YY1: variants seen among roughly 807,000 people sequenced by gnomAD.
YY1 encodes the protein YY1 transcription factor.
A neutral mutation model predicts 35.6 loss-of-function variants in YY1; 2 were observed. The observed-to-expected ratio is 0.06, with a 90% CI of 0.02 to 0.18. The LOEUF is 0.18. YY1 is among the 10% of genes least tolerant of loss of function. The pLI, the probability that YY1 is intolerant of heterozygous loss-of-function variation, is 1.00. For synonymous variants in YY1, 268 were observed against 238.9 expected (o/e 1.12, Z -1.12); for missense variants, 322 against 573.4 (o/e 0.56, Z 4.48).
At chr14:100,254,998 T>TA (rs1429086394) in intron 1 of YY1, among the ~76,000 whole-genome samples, 1 of 129,410 alleles carries the variant, frequency 7.7e-6, no homozygotes, top group Non-Finnish European at 1.6e-5. Context: ...GGGATTTCAC[T>TA]ATGTTGGCCA....
intron 2 of YY1, among the ~76,000 whole-genome samples, chr14:100,271,538 G>A (rs952873706): frequency 6.6e-6 from 1 of 152,186 alleles, no homozygotes; most frequent in Non-Finnish European, 1.5e-5. Context: ...CTTAGGAACA[G>A]TAGCACTTTG....
At chr14:100,267,977 G>T (rs1891179227) in intron 2 of YY1, among the ~76,000 whole-genome samples, 2 of 152,212 alleles carry the variant, frequency 1.3e-5, no homozygotes, top group Non-Finnish European at 2.9e-5. Flanking sequence ...TTTTCTGGAG[G>T]CTCAGGAATT....
At position 100,276,813 on chromosome 14, in the gene YY1, C is replaced by T. The variant is rs548000811; in HGVS notation, c.1062+165C>T. The T allele has an allele frequency of 9.3e-5, 90 of 965,880 alleles. No homozygotes were observed. In the Admixed American group the frequency reaches 1.2e-3, roughly 13 times the overall value. 59.8% of individuals were successfully genotyped at this position (965,880 alleles called of 1,614,324 possible). On this transcript the variant is annotated intron_variant, in intron 4 of 4. Coordinates refer to ENST00000262238, the MANE Select transcript of YY1 (RefSeq NM_003403.5). The surrounding 1 kb of genome is among the most constrained non-coding windows in gnomAD (Gnocchi z 4.1). ...CTGGGGAGTCGCTTAGAAGGGTTGC[C>T]GGGGCTCTGGACATCCTTGTCTATA...
intron 3 of YY1, 132 bp downstream of exon 3, chr14:100,274,890 A>G: frequency 1.1e-6 from 1 of 934,954 alleles, no homozygotes; most frequent in East Asian, 2.6e-5. Context: ...CGGTTTCTAA[A>G]TCCAAGAGAT....
chr14:100,239,691 G>A lies in YY1; in HGVS notation c.447G>A (p.Thr149=), dbSNP rs762373321. ...GCGACGACGACTACATTGAACAAACGCTGGTCACCGTGGCGGCGGCCGGCA... is the reference window on the plus strand; with the variant it reads ...GCGACGACGACTACATTGAACAAACACTGGTCACCGTGGCGGCGGCCGGCA... The part of the protein sequence containing the change: ...AGGDDDYIEQ[T]LVTVAAAGKS... Residue 149 remains threonine (T), a synonymous_variant, in exon 1 of 5, where the codon ACG becomes ACA. Coordinates refer to ENST00000262238, the MANE Select transcript of YY1 (RefSeq NM_003403.5). 1.9e-6 allele frequency: 3 copies of A among 1,606,070 alleles called. No homozygotes were observed. Among genetic ancestry groups the A allele is most frequent in the Admixed American group, 3.3e-5 (2 of 59,894 alleles).
At chr14:100,251,332 G>A (rs1417715847) in intron 1 of YY1, among the ~76,000 whole-genome samples, 1 of 152,214 alleles carries the variant, frequency 6.6e-6, no homozygotes, top group Non-Finnish European at 1.5e-5. Context: ...AATGTAGGCA[G>A]CCTTCAGAAG....
Position 100,239,813 on chromosome 14 carries a change from C to T in YY1, c.569C>T (p.Ala190Val). The T allele has an allele frequency of 6.7e-7, 1 of 1,493,306 alleles. No homozygotes were observed. The highest frequency in any genetic ancestry group is 1.5e-5 in the African/African-American group (1 of 67,864). 92.5% of individuals were successfully genotyped at this position (1,493,306 alleles called of 1,614,324 possible). ...SGKKSYLSGG[A>V]GAAGGGGADP... ...AAGAAGAGTTACCTCAGCGGCGGGG[C>T]CGGCGCGGCGGGCGGCGGCGGCGCC... The change falls in exon 1 of 5, where the codon GCC becomes GTC. Residue 190 changes from alanine (A) to valine (V), a missense_variant. Physicochemically the swap from Ala to Val is moderately conservative, Grantham distance 64. Around this residue, in one of 4 missense-constraint regions of YY1, gnomAD observed 152 missense variants for 167.1 expected, o/e 0.91. Transcript: ENST00000262238.
chr14:100,240,524 C>T (rs1890720214), intron 1 of YY1, among the ~76,000 whole-genome samples: 3 of 3,942 alleles, frequency 7.6e-4, no homozygotes, highest in African/African-American at 2.2e-3. Flanking sequence ...GGGCTTGGCA[C>T]TCGTGGGCGC....
At chr14:100,248,679 C>CT (rs11415073) in intron 1 of YY1, among the ~76,000 whole-genome samples, 2,355 of 105,014 alleles carry the variant, frequency 0.022, 55 homozygotes, top group African/African-American at 0.05. Flanking sequence ...GAGTAAAATT[C>CT]TTTTTTTTTT....
intron 1 of YY1, among the ~76,000 whole-genome samples, chr14:100,246,362 C>G (rs962064412): frequency 1.1e-4 from 16 of 152,196 alleles, no homozygotes; most frequent in Non-Finnish European, 7.4e-5. Flanking sequence ...AAAGTGCTGG[C>G]AGCTGAGTGG....
intron 1 of YY1, among the ~76,000 whole-genome samples, chr14:100,254,265 T>C (rs1360345069): frequency 6.6e-6 from 1 of 152,208 alleles, no homozygotes; most frequent in Non-Finnish European, 1.5e-5. Flanking sequence ...TGATTTTCTT[T>C]TTGCAAAAAT....
At chr14:100,249,283 G>T (rs1448497937) in intron 1 of YY1, among the ~76,000 whole-genome samples, 1 of 151,492 alleles carries the variant, frequency 6.6e-6, no homozygotes, top group Non-Finnish European at 1.5e-5. Flanking sequence ...ACTACACCCA[G>T]CTAATTTTTG....
intron 1 of YY1, among the ~76,000 whole-genome samples, chr14:100,246,400 G>A (rs1314500809): frequency 6.6e-6 from 1 of 152,204 alleles, no homozygotes; most frequent in Non-Finnish European, 1.5e-5. Flanking sequence ...GGAGTCGATG[G>A]TCCCTCCCCT....
At chr14:100,270,650 A>T (rs1891224467) in intron 2 of YY1, among the ~76,000 whole-genome samples, 1 of 151,232 alleles carries the variant, frequency 6.6e-6, no homozygotes, top group African/African-American at 2.4e-5. Flanking sequence ...AAAATGTATG[A>T]GAGAGGACCT....
At chr14:100,248,669 G>C (rs1317635076) in intron 1 of YY1, among the ~76,000 whole-genome samples, 1 of 146,626 alleles carries the variant, frequency 6.8e-6, no homozygotes, top group Non-Finnish European at 1.5e-5. Context: ...CACCCAGCTT[G>C]AGTAAAATTC....
chr14:100,259,374 G>A (rs1442746356), intron 1 of YY1, among the ~76,000 whole-genome samples: 1 of 152,154 alleles, frequency 6.6e-6, no homozygotes, highest in Non-Finnish European at 1.5e-5. Flanking sequence ...CAAACGATTA[G>A]CTGGGCATGG....
At chr14:100,269,563 T>C (rs1891203659) in intron 2 of YY1, among the ~76,000 whole-genome samples, 1 of 152,216 alleles carries the variant, frequency 6.6e-6, no homozygotes, top group South Asian at 2.1e-4. Context: ...AGTATATGAT[T>C]TTTACTGTTT....
At chr14:100,257,543 AGAACCC>A (rs1382969996) in intron 1 of YY1, among the ~76,000 whole-genome samples, 3 of 151,712 alleles carry the variant, frequency 2.0e-5, no homozygotes, top group Non-Finnish European at 4.4e-5. Flanking sequence ...GTCTGAGGGT[AGAACCC>A]TAATGCATGG....
intron 2 of YY1, among the ~76,000 whole-genome samples, chr14:100,270,702 A>T (rs1338135891): frequency 1.3e-5 from 2 of 152,152 alleles, no homozygotes; most frequent in African/African-American, 2.4e-5. Context: ...CATATGGTAA[A>T]GTCTACCCCC....
Sources: allele counts gnomAD v4.1 joint callset (sites outside exome capture counted in the v4.1 genomes callset), GRCh38; gene constraint gnomAD v4.1.1; regional missense constraint gnomAD v4.1.1; non-coding constraint Gnocchi (gnomAD v3.1); transcripts MANE v1.5; gene names NCBI Gene and HGNC (gene_info 2026-07-23, HGNC 2026-07-21).